The following GNAO1 variants were observed in gnomAD, a reference collection of about 807,000 sequenced individuals.
The protein encoded by GNAO1 is G protein subunit alpha o1.
For synonymous variants in GNAO1, 164 were observed against 180.7 expected (o/e 0.91, Z 0.74); for missense variants, 166 against 478.7 (o/e 0.35, Z 6.10).
chr16:56,346,523 G>A (rs2037872218), intron 6 of GNAO1: 1 of 985,318 alleles, frequency 1.0e-6, no homozygotes, highest in Admixed American at 6.1e-5. Context: ...CTAAGAACCA[G>A]GTCTTGGCCT....
At chr16:56,267,590 G>T (rs56272433) in intron 2 of GNAO1, among the ~76,000 whole-genome samples, 1 of 151,990 alleles carries the variant, frequency 6.6e-6, no homozygotes. Context: ...CACCTGCTCC[G>T]TGGTCACTGC....
At chr16:56,225,803 T>G (rs2036528374) in intron 2 of GNAO1, among the ~76,000 whole-genome samples, 1 of 152,130 alleles carries the variant, frequency 6.6e-6, no homozygotes, top group South Asian at 2.1e-4. Flanking sequence ...CACACAAAGT[T>G]AACTAAATGA....
chr16:56,333,626 A>C (rs2037713068), intron 4 of GNAO1, among the ~76,000 whole-genome samples: 1 of 152,234 alleles, frequency 6.6e-6, no homozygotes, highest in African/African-American at 2.4e-5. Flanking sequence ...GGGTTCTATC[A>C]GTGAACACCC....
intron 3 of GNAO1, among the ~76,000 whole-genome samples, chr16:56,277,736 C>T (rs1299449532): frequency 6.6e-6 from 1 of 150,798 alleles, no homozygotes; most frequent in Non-Finnish European, 1.5e-5. Context: ...ATATCTGAAT[C>T]TCAGCCAGAT....
intron 2 of GNAO1, among the ~76,000 whole-genome samples, chr16:56,221,969 G>A (rs1367024962): frequency 2.0e-5 from 3 of 152,178 alleles, no homozygotes; most frequent in African/African-American, 7.2e-5. Context: ...CTGCTTCTAT[G>A]CAGGGATGGC....
chr16:56,338,420 G>A (rs1157980268), intron 6 of GNAO1, among the ~76,000 whole-genome samples: 1 of 152,228 alleles, frequency 6.6e-6, no homozygotes, highest in African/African-American at 2.4e-5. Flanking sequence ...CAAAGCCCAG[G>A]TCAGCTTCCT....
At chr16:56,327,482 G>C (rs1391834821) in intron 3 of GNAO1, among the ~76,000 whole-genome samples, 1 of 152,100 alleles carries the variant, frequency 6.6e-6, no homozygotes, top group Admixed American at 6.5e-5. Context: ...CTCCTGAGGT[G>C]GGGGAGGTTC....
chr16:56,300,043 G>GCGCGCGCGCGCGCGCGCA (rs1300248042), intron 3 of GNAO1, among the ~76,000 whole-genome samples: 30 of 92,196 alleles, frequency 3.3e-4, no homozygotes, highest in African/African-American at 1.3e-3. Flanking sequence ...GTGTGCGCGC[G>GCGCGCGCGCGCGCGCGCA]CGCGCGCGCA....
At chr16:56,305,693 G>A (rs555634416) in intron 3 of GNAO1, among the ~76,000 whole-genome samples, 5 of 152,286 alleles carry the variant, frequency 3.3e-5, no homozygotes, top group African/African-American at 1.2e-4. Flanking sequence ...CACCTCAGGG[G>A]CTGTATTTGT....
At chr16:56,247,323 T>C (rs573313995) in intron 2 of GNAO1, among the ~76,000 whole-genome samples, 1 of 152,298 alleles carries the variant, frequency 6.6e-6, no homozygotes, top group Admixed American at 6.5e-5. Context: ...CACACCCACC[T>C]TTCCTTCTAG....
Position 56,328,938 on chromosome 16 carries a change from G to A in GNAO1, c.464+147G>A, listed in dbSNP as rs1225942439. On this transcript the variant is annotated intron_variant, in intron 4 of 8. Coordinates refer to ENST00000262493, the MANE Select transcript of GNAO1 (RefSeq NM_020988.3). ...GTTCTCCCATAGGTAGAGGGTGTCA[G>A]GAAGGAATGAGAAGGGGCCTCTCTT... The A allele has an allele frequency of 5.3e-6, 4 of 750,290 alleles. No homozygotes were observed. In the African/African-American group the frequency reaches 7.0e-5, roughly 13 times the overall value. 46.5% of individuals were successfully genotyped at this position (750,290 alleles called of 1,614,324 possible). A position where few individuals can be genotyped will look rare whatever the true frequency, so the allele number is the denominator to read the frequency against.
intron 2 of GNAO1, among the ~76,000 whole-genome samples, chr16:56,269,773 C>CT (rs1422083215): frequency 1.3e-5 from 2 of 152,156 alleles, no homozygotes; most frequent in African/African-American, 2.4e-5. Flanking sequence ...CCTAGGGCCT[C>CT]TGAGTTTGTG....
At chr16:56,305,315 G>T (rs560283460) in intron 3 of GNAO1, among the ~76,000 whole-genome samples, 1 of 152,294 alleles carries the variant, frequency 6.6e-6, no homozygotes, top group South Asian at 2.1e-4. Context: ...CAGTCATCAA[G>T]GAAACAAACC....
chr16:56,263,183 G>C (rs1350884838), intron 2 of GNAO1, among the ~76,000 whole-genome samples: 1 of 152,224 alleles, frequency 6.6e-6, no homozygotes, highest in Admixed American at 6.5e-5. Flanking sequence ...GGGATTGGCA[G>C]CCAGGGCTAT....
chr16:56,343,112 A>G (rs991237082), intron 6 of GNAO1, among the ~76,000 whole-genome samples: 1 of 151,954 alleles, frequency 6.6e-6, no homozygotes, highest in Non-Finnish European at 1.5e-5. Context: ...AAAAAAAACA[A>G]ACAAAAAAGA....
intron 2 of GNAO1, chr16:56,235,219 A>G (rs564306896): frequency 9.3e-6 from 4 of 429,986 alleles, no homozygotes; most frequent in East Asian, 7.0e-5. Flanking sequence ...GACTCCCTCA[A>G]AGAGATTGCA....
At chr16:56,350,811 C>G (rs1393592537) in intron 6 of GNAO1, among the ~76,000 whole-genome samples, 1 of 152,128 alleles carries the variant, frequency 6.6e-6, no homozygotes, top group African/African-American at 2.4e-5. Flanking sequence ...ATCCCCCTAC[C>G]CAGGATGGGC....
intron 6 of GNAO1, chr16:56,343,716 T>A: frequency 6.6e-7 from 1 of 1,506,448 alleles, no homozygotes. Flanking sequence ...TGCCAAGCAG[T>A]CCCATGGGCC....
chr16:56,247,066 G>A (rs537059951), intron 2 of GNAO1, among the ~76,000 whole-genome samples: 2 of 152,184 alleles, frequency 1.3e-5, no homozygotes, highest in South Asian at 2.1e-4. Flanking sequence ...TCTTCTCCCC[G>A]CAGTCTAATC....
Sources: allele counts gnomAD v4.1 joint callset (sites outside exome capture counted in the v4.1 genomes callset), GRCh38; gene constraint gnomAD v4.1.1; transcripts MANE v1.5; gene names NCBI Gene and HGNC (gene_info 2026-07-23, HGNC 2026-07-21).